CFAP299: variants seen among roughly 807,000 people sequenced by gnomAD.
The protein encoded by CFAP299 is cilia- and flagella-associated protein 299.
In CFAP299, 21 loss-of-function variants were observed where a neutral mutation model predicts 27.0. The ratio of observed to expected loss-of-function variants is 0.78; its 90% confidence interval spans 0.55 to 1.12. The LOEUF (loss-of-function observed/expected upper bound fraction) is 1.12, where lower values mean the gene tolerates loss of function less well. Ranked by LOEUF, CFAP299 falls within the 50% of genes most tolerant of loss-of-function variation. The pLI is 0.00. For missense variants in CFAP299, 310 were observed against 276.6 expected (o/e 1.12, Z -0.86); for synonymous variants, 104 against 98.1 (o/e 1.06, Z -0.36).
At chr4:80,894,967 A>G (rs1296893983) in intron 4 of CFAP299, among the ~76,000 whole-genome samples, 1 of 151,976 alleles carries the variant, frequency 6.6e-6, no homozygotes, top group Non-Finnish European at 1.5e-5. Context: ...AATCTCACTC[A>G]CAGAACCAGG....
At chr4:80,685,628 TG>T (rs1186301012) in intron 3 of CFAP299, among the ~76,000 whole-genome samples, 1 of 97,388 alleles carries the variant, frequency 1.0e-5, no homozygotes, top group Admixed American at 1.5e-4. Flanking sequence ...GTGTGTGGGG[TG>T]GGGGGTGGGT....
chr4:80,537,220 T>C (rs913933023), intron 2 of CFAP299, among the ~76,000 whole-genome samples: 4 of 152,108 alleles, frequency 2.6e-5, no homozygotes, highest in Non-Finnish European at 1.5e-5. Flanking sequence ...AAGGGAACCC[T>C]CATTCACTGT....
chr4:80,961,565 C>T (rs565329268), intron 5 of CFAP299, among the ~76,000 whole-genome samples: 1 of 151,766 alleles, frequency 6.6e-6, no homozygotes, highest in African/African-American at 2.4e-5. Flanking sequence ...ACATTTTAAC[C>T]TAATTCATTA....
chr4:80,525,891 T>C (rs536147440), intron 2 of CFAP299, among the ~76,000 whole-genome samples: 60 of 152,298 alleles, frequency 3.9e-4, no homozygotes, highest in African/African-American at 1.3e-3. Flanking sequence ...CAATAACCTG[T>C]ATGAACAAAG....
At chr4:80,899,210 A>G (rs184675888) in intron 4 of CFAP299, among the ~76,000 whole-genome samples, 50 of 152,354 alleles carry the variant, frequency 3.3e-4, no homozygotes, top group Middle Eastern at 3.4e-3. Context: ...GGCACATAGC[A>G]TATGCAAGTA....
chr4:80,620,334 A>G (rs577364397), intron 3 of CFAP299, among the ~76,000 whole-genome samples: 1 of 152,246 alleles, frequency 6.6e-6, no homozygotes, highest in East Asian at 1.9e-4. Context: ...TGGGTAGCAA[A>G]TCAGTGAGTG....
intron 2 of CFAP299, among the ~76,000 whole-genome samples, chr4:80,368,157 T>C (rs1723940012): frequency 6.6e-6 from 1 of 152,254 alleles, no homozygotes; most frequent in Non-Finnish European, 1.5e-5. Context: ...CCTGATGGAT[T>C]CTGTCATTGT....
rs184294849 is a variant in CFAP299, at chr4:80,661,416, A to G, written c.333+78233A>G. 4.3e-3 allele frequency among the ~76,000 whole-genome samples: 648 copies of G among 152,190 alleles called. 3 individuals carry two copies. Among genetic ancestry groups the G allele is most frequent in the Admixed American group, 7.8e-3 (119 of 15,274 alleles). On this transcript the variant is annotated intron_variant, in intron 3 of 5. Coordinates refer to ENST00000358105, the MANE Select transcript of CFAP299 (RefSeq NM_152770.3). The stretch of plus-strand genomic sequence containing the variant: ...CATGTCAGAAGAACATAAATTGTGA[A>G]GATTTCATAGACATTTATTAGTTTC...
intron 3 of CFAP299, among the ~76,000 whole-genome samples, chr4:80,678,563 T>A (rs1033115414): frequency 1.3e-5 from 2 of 152,038 alleles, no homozygotes; most frequent in Non-Finnish European, 2.9e-5. Flanking sequence ...GTTAAATAAC[T>A]CACCCATTTT....
chr4:80,730,726 G>C (rs1405459440), intron 3 of CFAP299, among the ~76,000 whole-genome samples: 3 of 152,060 alleles, frequency 2.0e-5, no homozygotes, highest in African/African-American at 7.2e-5. Context: ...GATAATAGAT[G>C]TTTGCTATTT....
At chr4:80,813,088 A>G (rs1729239145) in intron 3 of CFAP299, among the ~76,000 whole-genome samples, 1 of 152,114 alleles carries the variant, frequency 6.6e-6, no homozygotes, top group Non-Finnish European at 1.5e-5. Flanking sequence ...GAACAATTTG[A>G]AACTATTTTC....
intron 3 of CFAP299, among the ~76,000 whole-genome samples, chr4:80,798,312 G>C (rs972338768): frequency 2.0e-5 from 3 of 152,050 alleles, no homozygotes; most frequent in African/African-American, 7.2e-5. Flanking sequence ...TATCTCCTCA[G>C]ATGAAAGTGG....
At chr4:80,322,187 G>A in the CFAP299 span, among the ~76,000 whole-genome samples, 1 of 152,212 alleles carries the variant, frequency 6.6e-6, no homozygotes, top group African/African-American at 2.4e-5. Flanking sequence ...TGCAATAAAA[G>A]GTTCCCATTT....
intron 3 of CFAP299, among the ~76,000 whole-genome samples, chr4:80,723,181 CT>C (rs35083393): frequency 0.029 from 4,478 of 152,212 alleles, 240 homozygotes; most frequent in African/African-American, 0.1. Context: ...CTTAGGTGAA[CT>C]TTTTGGTAGT....
At chr4:80,501,355 T>G (rs1424942101) in intron 2 of CFAP299, among the ~76,000 whole-genome samples, 1 of 150,292 alleles carries the variant, frequency 6.7e-6, no homozygotes, top group Non-Finnish European at 1.5e-5. Flanking sequence ...TATTGTCTAT[T>G]AGCTGAAATT....
chr4:80,333,403 T>C (rs1722011030), upstream of CFAP299, among the ~76,000 whole-genome samples: 1 of 152,122 alleles, frequency 6.6e-6, no homozygotes, highest in Non-Finnish European at 1.5e-5. Context: ...TTAGAGTAAG[T>C]ATATGTTTTT....
chr4:80,693,602 C>T lies in CFAP299; in HGVS notation c.333+110419C>T, dbSNP rs1406788859. ...GGGAGATATACCTAATGCTAGATTACGAATTAGTGGGTGCACCAGCATGGC... is the reference window on the plus strand; with the variant it reads ...GGGAGATATACCTAATGCTAGATTATGAATTAGTGGGTGCACCAGCATGGC... On this transcript the variant is annotated intron_variant, in intron 3 of 5. Transcript: ENST00000358105. 6.6e-5 allele frequency among the ~76,000 whole-genome samples: 10 copies of T among 150,484 alleles called. No individual in the cohort carries two copies. The South Asian group carries it at 8.4e-4, about 13-fold the overall frequency.
intron 3 of CFAP299, chr4:80,608,398 T>C (rs1246587910): frequency 2.0e-6 from 3 of 1,505,162 alleles, no homozygotes. Context: ...GTACTGCTTA[T>C]GGAAAAGTTT....
At position 80,575,634 on chromosome 4, in the gene CFAP299, A is replaced by C. The variant is rs1322458215; in HGVS notation, c.243-7459A>C. 2.0e-5 allele frequency among the ~76,000 whole-genome samples: 3 copies of C among 151,362 alleles called. No individual in the cohort carries two copies. In the East Asian group the frequency reaches 5.8e-4, roughly 29 times the overall value. ...ACATTTATATTGTTTTCTTCATTTCAATTTAATTTATTTCTGATCTTTATT... is the reference window on the plus strand; with the variant it reads ...ACATTTATATTGTTTTCTTCATTTCCATTTAATTTATTTCTGATCTTTATT... On this transcript the variant is annotated intron_variant, in intron 2 of 5. Coordinates refer to ENST00000358105, the MANE Select transcript of CFAP299 (RefSeq NM_152770.3).
Sources: allele counts gnomAD v4.1 joint callset (sites outside exome capture counted in the v4.1 genomes callset), GRCh38; gene constraint gnomAD v4.1.1; transcripts MANE v1.5; gene names NCBI Gene and HGNC (gene_info 2026-07-23, HGNC 2026-07-21).